LRRC59: variants seen among roughly 807,000 people sequenced by gnomAD.
The protein encoded by LRRC59 is leucine rich repeat containing 59, also known as leucine-rich repeat-containing protein 59.
LRRC59 carries 18 observed loss-of-function variants against 33.5 expected under a neutral mutation model. The observed-to-expected ratio is 0.54, with a 90% CI of 0.37 to 0.80. The LOEUF is 0.80. Ranked by LOEUF, LRRC59 falls within the 30% of genes least tolerant of loss-of-function variation. The pLI is 0.00. For missense variants in LRRC59, 330 were observed against 391.9 expected, an observed-to-expected ratio of 0.84 and a Z score of 1.33; for synonymous variants, 138 against 160.0, an observed-to-expected ratio of 0.86 and a Z score of 1.04.
intron 4 of LRRC59, among the ~76,000 whole-genome samples, chr17:50,389,638 C>CGG (rs1361373479): frequency 2.6e-5 from 4 of 152,186 alleles, no homozygotes; most frequent in Non-Finnish European, 5.9e-5. Context: ...TGTTTTACTA[C>CGG]TGCACTTAAC....
chr17:50,387,486 G>C (rs1182682201), intron 5 of LRRC59, among the ~76,000 whole-genome samples: 1 of 152,208 alleles, frequency 6.6e-6, no homozygotes, highest in Non-Finnish European at 1.5e-5. Context: ...GCAAGTAGCA[G>C]CATAATTATT....
Position 50,397,297 on chromosome 17 carries a change from C to G in LRRC59, c.21G>C (p.Lys7Asn). 6.2e-7 allele frequency: 1 copy of G among 1,609,286 alleles called. No homozygotes were observed. Among genetic ancestry groups the G allele is most frequent in the Non-Finnish European group, 8.5e-7 (1 of 1,178,216 alleles). The change falls in exon 1 of 7, where the codon AAG becomes AAC. Residue 7 changes from lysine to asparagine, a missense_variant. By Grantham distance (94) the Lys-to-Asn change is moderately conservative. Transcript: ENST00000225972. ...CCAGCTTGTCGCGGAGGTTCCCGCCCTTGCTACCGGCCTTGGTCATGGTAA... is the reference window on the plus strand; with the variant it reads ...CCAGCTTGTCGCGGAGGTTCCCGCCGTTGCTACCGGCCTTGGTCATGGTAA... Reference protein sequence around the residue: MTKAGSKGGNLRDKLDG... With the variant: MTKAGSNGGNLRDKLDG...
intron 1 of LRRC59, chr17:50,395,918 C>T (rs1398767454): frequency 6.6e-6 from 1 of 151,760 alleles, no homozygotes; most frequent in East Asian, 1.9e-4. Flanking sequence ...AAAAAAGGCC[C>T]TCACAGCCCA....
intron 6 of LRRC59, among the ~76,000 whole-genome samples, chr17:50,383,521 T>C (rs1913924928): frequency 6.6e-6 from 1 of 152,132 alleles, no homozygotes; most frequent in African/African-American, 2.4e-5. Context: ...TCCACGCCTC[T>C]TGGGATCGCA....
At position 50,397,405 on chromosome 17, in the gene LRRC59, C is replaced by T; in HGVS notation, c.-88G>A. On this transcript the variant is annotated 5_prime_UTR_variant, in exon 1 of 7. It adds an upstream start codon to the 5' untranslated region. Coordinates refer to ENST00000225972, the MANE Select transcript of LRRC59 (RefSeq NM_018509.4). ...CGCTTGTCAGTTCAGCGGCCCCCCA[C>T]CCAAACGACGACGCCTGAGCCCTCC... 1 of 1,016,992 alleles carries T rather than the reference C, an allele frequency of 9.8e-7. No individual in the cohort carries two copies. Among genetic ancestry groups the T allele is most frequent in the Non-Finnish European group, 1.4e-6 (1 of 718,346 alleles). The allele number at this position is 1,016,992 out of a possible 1,614,324, so 63.0% of individuals were successfully genotyped here. A position where few individuals can be genotyped will look rare whatever the true frequency, so the allele number is the denominator to read the frequency against.
chr17:50,387,691 G>A (rs912331637), intron 5 of LRRC59, among the ~76,000 whole-genome samples: 1 of 152,108 alleles, frequency 6.6e-6, no homozygotes, highest in Non-Finnish European at 1.5e-5. Context: ...AAAAAAAGGA[G>A]TCATTAACAT....
In LRRC59 at chr17:50,382,979, G is replaced by A. The variant is rs202162924; in HGVS notation, c.*9C>T. 3.2e-5 allele frequency: 52 copies of A among 1,609,498 alleles called. 2 individuals are homozygous for A. The African/African-American group carries it at 3.5e-4, about 11-fold the overall frequency. On this transcript the variant is annotated 3_prime_UTR_variant, in exon 7 of 7. Coordinates refer to ENST00000225972, the MANE Select transcript of LRRC59 (RefSeq NM_018509.4). ...CAAGGCTGGGAGGCAGCAGGTGCTG[G>A]GGACAAGCTCACTGCTGAGAGTCGG...
intron 5 of LRRC59, among the ~76,000 whole-genome samples, chr17:50,385,732 G>A (rs942184763): frequency 3.3e-5 from 5 of 152,198 alleles, no homozygotes; most frequent in African/African-American, 1.2e-4. Flanking sequence ...GGGGGGACAA[G>A]TGAGAAGAGA....
chr17:50,385,349 T>C, intron 5 of LRRC59, 58 bp from the exon 6 acceptor site: 1 of 1,561,584 alleles, frequency 6.4e-7, no homozygotes, highest in Non-Finnish European at 8.7e-7. Context: ...AGCAGTTTGC[T>C]TTCCCAAGTG....
rs1913859480 is a variant in LRRC59 at position 50,381,896 on chromosome 17, T to A, written c.*1092A>T. 6.5e-6 allele frequency: 1 copy of A among 152,696 alleles called. No individual in the cohort carries two copies. Among genetic ancestry groups the A allele is most frequent in the Non-Finnish European group, 1.5e-5 (1 of 68,060 alleles). 9.5% of individuals were successfully genotyped at this position (152,696 alleles called of 1,614,324 possible). A position where few individuals can be genotyped will look rare whatever the true frequency, so the allele number is the denominator to read the frequency against. On this transcript the variant is annotated 3_prime_UTR_variant, in exon 7 of 7. Transcript: ENST00000225972. ...GTTTCCCTTCATATCCTGTTTCCATTTATGCCCTTCAGTTATGGTCTAGAA... is the reference window on the plus strand; with the variant it reads ...GTTTCCCTTCATATCCTGTTTCCATATATGCCCTTCAGTTATGGTCTAGAA...
Position 50,383,054 on chromosome 17 carries a change from A to AT in LRRC59, c.857dup (p.Asn286LysfsTer10). 6.2e-7 allele frequency: 1 copy of AT among 1,612,668 alleles called. No homozygotes were observed. The highest frequency in any genetic ancestry group is 8.5e-7 in the Non-Finnish European group (1 of 1,179,990). ...CATGGCGGCGTAGACCCTGGACCGCATTGTCATAGATGGTGTTCACGCTGG... is the reference window on the plus strand; with the variant it reads ...CATGGCGGCGTAGACCCTGGACCGCATTTGTCATAGATGGTGTTCACGCTGG... On this transcript the variant is annotated frameshift_variant, in exon 7 of 7. Coordinates refer to ENST00000225972, the MANE Select transcript of LRRC59 (RefSeq NM_018509.4). LOFTEE classifies it high-confidence loss of function.
intron 4 of LRRC59, among the ~76,000 whole-genome samples, chr17:50,389,773 G>A (rs1482310838): frequency 1.3e-5 from 2 of 152,110 alleles, no homozygotes; most frequent in Non-Finnish European, 2.9e-5. Flanking sequence ...AAGTATTCAG[G>A]AGCAGACCAG....
chr17:50,386,915 C>T (rs1459642164), intron 5 of LRRC59, among the ~76,000 whole-genome samples: 1 of 152,190 alleles, frequency 6.6e-6, no homozygotes, highest in Non-Finnish European at 1.5e-5. Flanking sequence ...ATATCATTTA[C>T]TTTCTAGAGA....
intron 5 of LRRC59, 46 bp from the exon 6 acceptor site, chr17:50,385,337 C>A: frequency 6.3e-7 from 1 of 1,587,120 alleles, no homozygotes. Flanking sequence ...CACAAACACT[C>A]CAGCAGTTTG....
Position 50,397,497 on chromosome 17 carries a change from C to T in LRRC59, c.-180G>A, listed in dbSNP as rs1288605945. 5 of 505,298 alleles carry T rather than the reference C, an allele frequency of 9.9e-6. No homozygotes were observed. The highest frequency in any genetic ancestry group is 7.6e-5 in the South Asian group (3 of 39,308). 31.3% of individuals were successfully genotyped at this position (505,298 alleles called of 1,614,324 possible). On this transcript the variant is annotated 5_prime_UTR_variant, in exon 1 of 7. Coordinates refer to ENST00000225972, the MANE Select transcript of LRRC59 (RefSeq NM_018509.4). The stretch of plus-strand genomic sequence containing the variant: ...TCCGAGCCTCGCGCCTAGCTCCCAC[C>T]GGTGCCGCGACGACGACCACTTCCG...
chr17:50,393,236 C>T (rs1472170422), intron 2 of LRRC59, among the ~76,000 whole-genome samples: 2 of 152,164 alleles, frequency 1.3e-5, no homozygotes, highest in African/African-American at 4.8e-5. Flanking sequence ...GCAGAGAACA[C>T]CTACCACACC....
Position 50,392,394 on chromosome 17 carries a change from T to C in LRRC59, c.429+4A>G, listed in dbSNP as rs778430831. ...GAGCCACTGGGAGGGAGCTTGGTGC[T>C]TACCTTGTTTGCACACTGCTTACAC... On this transcript the variant is annotated splice_donor_region_variant and intron_variant, in intron 4 of 6. Coordinates refer to ENST00000225972, the MANE Select transcript of LRRC59 (RefSeq NM_018509.4). 12 of 1,613,120 alleles carry C rather than the reference T, an allele frequency of 7.4e-6. No individual in the cohort carries two copies. The highest frequency in any genetic ancestry group is 9.3e-6 in the Non-Finnish European group (11 of 1,179,374).
At chr17:50,393,358 G>A (rs757514831) in intron 2 of LRRC59, among the ~76,000 whole-genome samples, 1 of 152,184 alleles carries the variant, frequency 6.6e-6, no homozygotes, top group Admixed American at 6.5e-5. Flanking sequence ...ACTGCTCCTG[G>A]AGAGGTGTGG....
At position 50,382,765 on chromosome 17, in the gene LRRC59, G is replaced by GCCCC; in HGVS notation, c.*219_*222dup. 5 of 536,418 alleles carry GCCCC rather than the reference G, an allele frequency of 9.3e-6. No individual in the cohort carries two copies. Among genetic ancestry groups the GCCCC allele is most frequent in the South Asian group, 5.0e-5 (2 of 40,360 alleles). The allele number at this position is 536,418 out of a possible 1,614,324, so 33.2% of individuals were successfully genotyped here. A position where few individuals can be genotyped will look rare whatever the true frequency, so the allele number is the denominator to read the frequency against. On this transcript the variant is annotated 3_prime_UTR_variant, in exon 7 of 7. Coordinates refer to ENST00000225972, the MANE Select transcript of LRRC59 (RefSeq NM_018509.4). Reference sequence around the variant, plus strand: ...TACTCCTTTAGGCATGCAGGTAACTGCCCCCCACGCCCCCCCGCCACCTCC... The same window carrying GCCCC: ...TACTCCTTTAGGCATGCAGGTAACTGCCCCCCCCCCACGCCCCCCCGCCACCTCC...
Sources: gnomAD v4.1 joint callset for allele counts (sites outside exome capture counted in the v4.1 genomes callset) on GRCh38, gnomAD v4.1.1 for gene constraint, MANE v1.5 for transcripts, NCBI Gene and HGNC (gene_info 2026-07-23, HGNC 2026-07-21) for gene names.